Variants in MARCHF3 observed in about 807,000 individuals in gnomAD.
The protein encoded by MARCHF3 is membrane associated ring-CH-type finger 3.
MARCHF3 carries 13 observed loss-of-function variants against 24.2 expected under a neutral mutation model. That is an observed-to-expected ratio of 0.54 (90% confidence interval 0.35 to 0.85). MARCHF3 has a LOEUF of 0.85. Ranked by LOEUF, MARCHF3 falls within the 40% of genes least tolerant of loss-of-function variation. The probability of loss-of-function intolerance (pLI) is 0.01; values close to 1 mark genes in which losing one functional copy is unlikely to be tolerated. For synonymous variants in MARCHF3, 144 were observed against 137.3 expected (o/e 1.05, Z -0.34); for missense variants, 276 against 325.0 (o/e 0.85, Z 1.16).
chr5:126,886,629 A>T (rs1384319665), intron 3 of MARCHF3, among the ~76,000 whole-genome samples: 2 of 152,222 alleles, frequency 1.3e-5, no homozygotes, highest in African/African-American at 2.4e-5. Context: ...GCTTGACTAA[A>T]GGATTTCAGG....
At chr5:126,926,076 T>C (rs1485757978) in intron 1 of MARCHF3, among the ~76,000 whole-genome samples, 1 of 152,234 alleles carries the variant, frequency 6.6e-6, no homozygotes, top group East Asian at 1.9e-4. Flanking sequence ...AAGCCTATCA[T>C]GAAGGACGTT....
At chr5:126,946,758 A>AGG (rs1184686949) in intron 1 of MARCHF3, among the ~76,000 whole-genome samples, 26 of 65,554 alleles carry the variant, frequency 4.0e-4, no homozygotes, top group African/African-American at 1.2e-3. Flanking sequence ...TCGTGTAAGT[A>AGG]GGGGTGTGTG....
chr5:126,904,458 C>T (rs2126785114), intron 3 of MARCHF3, among the ~76,000 whole-genome samples: 1 of 147,600 alleles, frequency 6.8e-6, no homozygotes, highest in Admixed American at 6.7e-5. Flanking sequence ...TATTTCTCCA[C>T]ATCCTCTCCA....
intron 3 of MARCHF3, among the ~76,000 whole-genome samples, chr5:126,910,595 G>A (rs186865480): frequency 2.7e-4 from 41 of 152,194 alleles, no homozygotes; most frequent in Admixed American, 7.8e-4. Context: ...AATTTCTTAC[G>A]CCTGTCTTTA....
chr5:126,910,455 C>T (rs1346264558), intron 3 of MARCHF3, among the ~76,000 whole-genome samples: 2 of 152,224 alleles, frequency 1.3e-5, no homozygotes. Flanking sequence ...CTCTGCTCCT[C>T]CTTTTTGCTA....
chr5:126,924,340 G>A (rs932098499), intron 1 of MARCHF3, among the ~76,000 whole-genome samples: 6 of 152,168 alleles, frequency 3.9e-5, no homozygotes, highest in African/African-American at 1.4e-4. Context: ...GGCTTAATAC[G>A]TGGGGAGCAC....
intron 1 of MARCHF3, among the ~76,000 whole-genome samples, chr5:126,920,396 C>A (rs1314403849): frequency 6.6e-6 from 1 of 152,216 alleles, no homozygotes; most frequent in East Asian, 1.9e-4. Flanking sequence ...TAATGCTTCA[C>A]AGTCACAAAG....
chr5:126,992,452 A>T (rs1354042713), intron 1 of MARCHF3, among the ~76,000 whole-genome samples: 1 of 152,188 alleles, frequency 6.6e-6, no homozygotes, highest in Non-Finnish European at 1.5e-5. Flanking sequence ...CAGACAGAAA[A>T]TAATCATTTT....
At chr5:126,983,667 G>A (rs1470190634) in intron 1 of MARCHF3, among the ~76,000 whole-genome samples, 2 of 151,996 alleles carry the variant, frequency 1.3e-5, no homozygotes, top group East Asian at 3.9e-4. Flanking sequence ...CAGTCCACTG[G>A]GGCTCAGACG....
At chr5:126,933,353 T>C (rs1038852779) in intron 1 of MARCHF3, among the ~76,000 whole-genome samples, 1 of 152,140 alleles carries the variant, frequency 6.6e-6, no homozygotes, top group African/African-American at 2.4e-5. Flanking sequence ...GTTCATAAAC[T>C]GGACTCATTT....
At chr5:127,000,964 G>C (rs770037502) in intron 1 of MARCHF3, among the ~76,000 whole-genome samples, 16 of 152,174 alleles carry the variant, frequency 1.1e-4, no homozygotes, top group Admixed American at 4.6e-4. Flanking sequence ...CTAGGGCCAG[G>C]TGTGGTGGCT....
chr5:126,954,022 A>G (rs1750342379), intron 1 of MARCHF3, among the ~76,000 whole-genome samples: 1 of 151,976 alleles, frequency 6.6e-6, no homozygotes, highest in South Asian at 2.1e-4. Context: ...TTTATGTAGT[A>G]ACCTCTTCTA....
rs530000977 is a variant in MARCHF3, at chr5:126,961,638, G to A, written c.-56-43411C>T. 7.9e-5 allele frequency among the ~76,000 whole-genome samples: 12 copies of A among 152,156 alleles called. No homozygotes were observed. The East Asian group carries it at 1.2e-3, about 15-fold the overall frequency. On this transcript the variant is annotated intron_variant, in intron 1 of 4. Coordinates refer to ENST00000308660, the MANE Select transcript of MARCHF3 (RefSeq NM_178450.5). ...TTAAAATTCAAATTATAATTCCATC[G>A]CAATGTAGTCTGCCCTGGTATTCTT...
chr5:126,912,447 C>A (rs1486309990), intron 3 of MARCHF3, among the ~76,000 whole-genome samples: 2 of 152,064 alleles, frequency 1.3e-5, no homozygotes, highest in Non-Finnish European at 2.9e-5. Context: ...ATGGAATTTC[C>A]TTGCTTTAAT....
chr5:126,943,192 G>C lies in MARCHF3; in HGVS notation c.-56-24965C>G, dbSNP rs934039144. On this transcript the variant is annotated intron_variant, in intron 1 of 4. Coordinates refer to ENST00000308660, the MANE Select transcript of MARCHF3 (RefSeq NM_178450.5). ...GCCTGTAATCCCAGCTATTCGGAAG[G>C]CTGAGTCAGAAGAATCACTTGAACC... is the stretch of plus-strand genomic sequence containing the variant. 1.3e-5 allele frequency among the ~76,000 whole-genome samples: 2 copies of C among 152,182 alleles called. 1 individual carries two copies. The highest frequency in any genetic ancestry group is 2.9e-5 in the Non-Finnish European group (2 of 68,038).
chr5:126,876,572 C>T (rs1753165237), intron 4 of MARCHF3, among the ~76,000 whole-genome samples: 4 of 152,132 alleles, frequency 2.6e-5, no homozygotes, highest in Admixed American at 2.6e-4. Flanking sequence ...TTATTTCTAA[C>T]CCTCCTCCCA....
chr5:126,877,724 C>T (rs905477825), intron 4 of MARCHF3, among the ~76,000 whole-genome samples: 2 of 152,176 alleles, frequency 1.3e-5, no homozygotes, highest in African/African-American at 4.8e-5. Flanking sequence ...AGACTTTAGG[C>T]TGTGTCAGGA....
chr5:126,921,237 CT>C (rs2126797270), intron 1 of MARCHF3, among the ~76,000 whole-genome samples: 1 of 152,196 alleles, frequency 6.6e-6, no homozygotes, highest in African/African-American at 2.4e-5. Context: ...AATTAATGGG[CT>C]AAGAGGGATT....
chr5:126,929,622 T>G (rs1451981588), intron 1 of MARCHF3, among the ~76,000 whole-genome samples: 2 of 152,220 alleles, frequency 1.3e-5, no homozygotes, highest in Non-Finnish European at 2.9e-5. Flanking sequence ...TGATAGCCAG[T>G]CTTCAGAGTA....
Sources: gnomAD v4.1 joint callset for allele counts (sites outside exome capture counted in the v4.1 genomes callset) on GRCh38, gnomAD v4.1.1 for gene constraint, MANE v1.5 for transcripts, NCBI Gene and HGNC (gene_info 2026-07-23, HGNC 2026-07-21) for gene names.